The following KLRG1 variants were observed in gnomAD, a reference collection of about 807,000 sequenced individuals.
KLRG1 encodes killer cell lectin-like receptor subfamily G member 1.
In KLRG1, 16 loss-of-function variants were observed where a neutral mutation model predicts 21.8. The ratio of observed to expected loss-of-function variants is 0.73; its 90% CI spans 0.50 to 1.11. The LOEUF (loss-of-function observed/expected upper bound fraction) is 1.11, where lower values mean the gene tolerates loss of function less well. KLRG1 is among the 50% of genes most tolerant of loss of function. The pLI, the probability that KLRG1 is intolerant of heterozygous loss-of-function variation, is 0.00. For synonymous variants in KLRG1, 69 were observed against 75.9 expected, an observed-to-expected ratio of 0.91 and a Z score of 0.47; for missense variants, 173 against 218.3, an observed-to-expected ratio of 0.79 and a Z score of 1.31.
At chr12:9,021,152 G>A in the KLRG1 span, among the ~76,000 whole-genome samples, 1 of 152,122 alleles carries the variant, frequency 6.6e-6, no homozygotes, top group Non-Finnish European at 1.5e-5. Flanking sequence ...GCAGATTACA[G>A]TATAAAAGAT....
the KLRG1 span, among the ~76,000 whole-genome samples, chr12:9,097,651 T>G: frequency 3.6e-5 from 5 of 137,990 alleles, no homozygotes; most frequent in Non-Finnish European, 8.1e-5. Flanking sequence ...TTTTTTTTTT[T>G]GACACCAAGT....
chr12:9,204,496 T>C, the KLRG1 span, among the ~76,000 whole-genome samples: 1 of 152,164 alleles, frequency 6.6e-6, no homozygotes, highest in African/African-American at 2.4e-5. Flanking sequence ...TATTGCAAAA[T>C]CATTTTCTTA....
chr12:9,187,081 A>AAT, the KLRG1 span, among the ~76,000 whole-genome samples: 1 of 150,918 alleles, frequency 6.6e-6, no homozygotes, highest in Non-Finnish European at 1.5e-5. Flanking sequence ...AAAGGTCAAA[A>AAT]AAAAAAAAAA....
the KLRG1 span, among the ~76,000 whole-genome samples, chr12:9,152,463 C>T: frequency 6.6e-6 from 1 of 152,152 alleles, no homozygotes; most frequent in Non-Finnish European, 1.5e-5. Context: ...GCAACACTGA[C>T]ATTGGACACA....
the KLRG1 span, chr12:9,111,971 C>T: frequency 1.3e-6 from 1 of 760,586 alleles, no homozygotes; most frequent in Non-Finnish European, 2.4e-6. Flanking sequence ...AGCACCAAGA[C>T]AGAAAGAATT....
chr12:9,086,131 C>CA, the KLRG1 span, among the ~76,000 whole-genome samples: 12 of 152,248 alleles, frequency 7.9e-5, no homozygotes, highest in South Asian at 2.5e-3. Context: ...GGAATACTTT[C>CA]AAGCTCATTT....
the KLRG1 span, among the ~76,000 whole-genome samples, chr12:9,181,559 G>A: frequency 6.6e-6 from 1 of 152,010 alleles, no homozygotes; most frequent in Non-Finnish European, 1.5e-5. Context: ...ATAGCTTCTC[G>A]GTAGCTTAGT....
the KLRG1 span, among the ~76,000 whole-genome samples, chr12:9,161,509 T>A: frequency 6.6e-6 from 1 of 152,176 alleles, no homozygotes; most frequent in Non-Finnish European, 1.5e-5. Flanking sequence ...CATTTAACTA[T>A]ATTTTTGCAT....
the KLRG1 span, among the ~76,000 whole-genome samples, chr12:9,021,504 G>A: frequency 1.3e-5 from 2 of 150,428 alleles, no homozygotes; most frequent in Non-Finnish European, 3.0e-5. Flanking sequence ...GGGTTCAAGC[G>A]ATTCTCACGC....
At chr12:8,956,728 T>C (rs769391991) in intron 1 of KLRG1, among the ~76,000 whole-genome samples, 36 of 152,228 alleles carry the variant, frequency 2.4e-4, no homozygotes, top group South Asian at 1.0e-3. Flanking sequence ...ATTACCGGCA[T>C]GAGCCACTGC....
intron 1 of KLRG1, among the ~76,000 whole-genome samples, chr12:8,954,352 A>G (rs1946254319): frequency 6.6e-6 from 1 of 152,024 alleles, no homozygotes; most frequent in South Asian, 2.1e-4. Flanking sequence ...GTGTAACATA[A>G]GGACTATAGT....
the KLRG1 span, among the ~76,000 whole-genome samples, chr12:9,084,814 C>G: frequency 6.6e-6 from 1 of 151,912 alleles, no homozygotes; most frequent in Non-Finnish European, 1.5e-5. Context: ...CACACATAGA[C>G]TGAAAGTGAA....
intron 1 of KLRG1, among the ~76,000 whole-genome samples, chr12:8,991,144 A>C (rs567902356): frequency 6.6e-6 from 1 of 152,204 alleles, no homozygotes; most frequent in African/African-American, 2.4e-5. Flanking sequence ...AGGAATCAAA[A>C]TTAGAAGTTA....
chr12:9,174,279 C>G, the KLRG1 span, among the ~76,000 whole-genome samples: 11 of 152,058 alleles, frequency 7.2e-5, no homozygotes, highest in African/African-American at 1.9e-4. Flanking sequence ...ATTCAACATC[C>G]CTTTATGTTA....
At chr12:9,175,190 G>T in the KLRG1 span, among the ~76,000 whole-genome samples, 1 of 152,144 alleles carries the variant, frequency 6.6e-6, no homozygotes, top group Admixed American at 6.5e-5. Context: ...TGACAAACTT[G>T]ACAAAAACAA....
chr12:9,157,342 C>T, the KLRG1 span: 47 of 1,612,968 alleles, frequency 2.9e-5, no homozygotes, highest in Non-Finnish European at 3.6e-5. Flanking sequence ...CAGGGCATTG[C>T]GAACAATAGG....
the KLRG1 span, among the ~76,000 whole-genome samples, chr12:9,198,761 A>C: frequency 6.6e-6 from 1 of 152,214 alleles, no homozygotes; most frequent in Admixed American, 6.5e-5. Flanking sequence ...TCAAATAAAA[A>C]GATAGAATCA....
chr12:8,967,381 A>G (rs1385521487), intron 1 of KLRG1, among the ~76,000 whole-genome samples: 3 of 152,144 alleles, frequency 2.0e-5, no homozygotes, highest in Admixed American at 6.5e-5. Context: ...AAATATGTGT[A>G]TAAGTGTAAA....
chr12:9,106,198 A>T, the KLRG1 span: 3 of 1,210,582 alleles, frequency 2.5e-6, no homozygotes, highest in Non-Finnish European at 3.7e-6. Context: ...ATTAGGTAAC[A>T]GTACATGGGT....
Sources: gnomAD v4.1 joint callset for allele counts (sites outside exome capture counted in the v4.1 genomes callset) on GRCh38, gnomAD v4.1.1 for gene constraint, MANE v1.5 for transcripts, NCBI Gene and HGNC (gene_info 2026-07-23, HGNC 2026-07-21) for gene names.